SCAI: variants seen among roughly 807,000 people sequenced by gnomAD.
SCAI encodes protein SCAI.
A neutral mutation model predicts 92.2 loss-of-function variants in SCAI; 24 were observed. The observed-to-expected ratio is 0.26, with a 90% CI of 0.19 to 0.37. The LOEUF is 0.37. SCAI is among the 10% of genes least tolerant of loss of function. SCAI has a pLI of 1.00. For synonymous variants in SCAI, 261 were observed against 258.6 expected, an observed-to-expected ratio of 1.01 and a Z score of -0.09; for missense variants, 450 against 736.2, an observed-to-expected ratio of 0.61 and a Z score of 4.50.
At chr9:124,954,038 A>C (rs1047887490) in intron 17 of SCAI, among the ~76,000 whole-genome samples, 1 of 152,154 alleles carries the variant, frequency 6.6e-6, no homozygotes, top group Non-Finnish European at 1.5e-5. Context: ...TTGTAGAGAC[A>C]GGGTCTTGCC....
At chr9:125,042,648 C>CGTGTGTGTGT (rs1192238749) in intron 3 of SCAI, among the ~76,000 whole-genome samples, 123 of 121,090 alleles carry the variant, frequency 1.0e-3, no homozygotes, top group Non-Finnish European at 1.8e-3. Context: ...CACACACACA[C>CGTGTGTGTGT]ACACACACAC....
rs985231118 is a variant in SCAI, at chr9:124,974,031, G to T, written c.1399+2083C>A. 4 of 239,604 alleles carry T rather than the reference G, an allele frequency of 1.7e-5. No homozygotes were observed. In the Admixed American group the frequency reaches 2.2e-4, roughly 13 times the overall value. The allele number at this position is 239,604 out of a possible 1,614,324, so 14.8% of individuals were successfully genotyped here. ...TTGTGCTGCTAGTCAGGAGTTCCTC[G>T]TCCATTTGCAGGCATCCTCTTGTGA... On this transcript the variant is annotated intron_variant, in intron 15 of 17. Coordinates refer to ENST00000336505, the MANE Select transcript of SCAI (RefSeq NM_001144877.3).
chr9:125,126,654 G>A (rs1369823903), intron 2 of SCAI, among the ~76,000 whole-genome samples: 2 of 152,062 alleles, frequency 1.3e-5, no homozygotes, highest in East Asian at 1.9e-4. Flanking sequence ...AATCTGGGAA[G>A]AGACATCTCA....
At chr9:124,987,497 G>C (rs1832020467) in intron 14 of SCAI, among the ~76,000 whole-genome samples, 1 of 152,054 alleles carries the variant, frequency 6.6e-6, no homozygotes, top group African/African-American at 2.4e-5. Context: ...ATGAGGCTCA[G>C]ACAAGCCTGA....
At chr9:125,111,292 T>C (rs1834924312) in intron 2 of SCAI, among the ~76,000 whole-genome samples, 1 of 152,088 alleles carries the variant, frequency 6.6e-6, no homozygotes, top group South Asian at 2.1e-4. Flanking sequence ...TCTCAATAGA[T>C]ACAGAAAAAG....
At chr9:124,959,523 C>CATATATATACACACACATAT (rs1554774583) in intron 17 of SCAI, among the ~76,000 whole-genome samples, 18 of 144,940 alleles carry the variant, frequency 1.2e-4, no homozygotes, top group African/African-American at 4.5e-4. Context: ...TATATACACA[C>CATATATATACACACACATAT]ATATATATAC....
chr9:125,143,457 G>T lies in SCAI; in HGVS notation c.-20C>A, dbSNP rs1448797536. 3.9e-5 allele frequency: 52 copies of T among 1,345,074 alleles called. 1 individual carries two copies. The highest frequency in any genetic ancestry group is 5.0e-5 in the Non-Finnish European group (52 of 1,047,102). The allele number at this position is 1,345,074 out of a possible 1,614,324, so 83.3% of individuals were successfully genotyped here. On this transcript the variant is annotated 5_prime_UTR_variant, in exon 1 of 18. Coordinates refer to ENST00000336505, the MANE Select transcript of SCAI (RefSeq NM_001144877.3). ...GACCATCCGGCTCCTGCTCCGCCGC[G>T]GGAGCTGCTCCGGCGGCCGCAGGGC...
intron 17 of SCAI, among the ~76,000 whole-genome samples, chr9:124,957,228 A>C (rs2131573873): frequency 6.6e-6 from 1 of 152,138 alleles, no homozygotes; most frequent in Middle Eastern, 3.4e-3. Flanking sequence ...CCTGGGATCA[A>C]GTGATCTGCC....
intron 14 of SCAI, among the ~76,000 whole-genome samples, chr9:124,987,845 C>T (rs1026651037): frequency 1.3e-5 from 2 of 152,030 alleles, no homozygotes; most frequent in African/African-American, 4.8e-5. Context: ...CACCTGTAGT[C>T]CCAGCTACTT....
At chr9:125,097,032 T>C (rs1588217326) in intron 2 of SCAI, among the ~76,000 whole-genome samples, 2 of 152,296 alleles carry the variant, frequency 1.3e-5, no homozygotes, top group African/African-American at 2.4e-5. Flanking sequence ...AGGAAACTTC[T>C]TTGATTCACT....
chr9:125,012,556 TTAG>T (rs1832661268), intron 9 of SCAI, among the ~76,000 whole-genome samples: 1 of 152,086 alleles, frequency 6.6e-6, no homozygotes, highest in Non-Finnish European at 1.5e-5. Context: ...ACAAAGAGAC[TTAG>T]ACTCCCACAC....
intron 14 of SCAI, among the ~76,000 whole-genome samples, chr9:124,981,395 G>A (rs570512435): frequency 6.6e-6 from 1 of 152,298 alleles, no homozygotes; most frequent in East Asian, 1.9e-4. Context: ...TTTGGGGAAT[G>A]TTATGAATTT....
At chr9:125,081,008 C>A (rs1834203296) in intron 2 of SCAI, among the ~76,000 whole-genome samples, 1 of 152,356 alleles carries the variant, frequency 6.6e-6, no homozygotes. Flanking sequence ...CTGCTGCCAT[C>A]CATGTAAGAT....
intron 2 of SCAI, among the ~76,000 whole-genome samples, chr9:125,097,390 G>T (rs1337979425): frequency 6.6e-6 from 1 of 152,040 alleles, no homozygotes; most frequent in African/African-American, 2.4e-5. Context: ...CCAAGATCAT[G>T]CCACTTCACT....
At chr9:124,999,258 G>A (rs914488857) in intron 13 of SCAI, among the ~76,000 whole-genome samples, 1 of 151,830 alleles carries the variant, frequency 6.6e-6, no homozygotes, top group Non-Finnish European at 1.5e-5. Context: ...ATGGTGGCTG[G>A]TGCCTGTAAT....
At chr9:125,089,947 C>T (rs1791330210) in intron 2 of SCAI, among the ~76,000 whole-genome samples, 1 of 152,024 alleles carries the variant, frequency 6.6e-6, no homozygotes, top group African/African-American at 2.4e-5. Flanking sequence ...TAAATGACTA[C>T]AATAAGGAAC....
chr9:125,016,612 T>C lies in SCAI; in HGVS notation c.861+2187A>G, dbSNP rs12003086. Among the ~76,000 whole-genome samples, 1,483 of 152,156 alleles carry C rather than the reference T, an allele frequency of 9.7e-3. 18 individuals carry two copies. Among genetic ancestry groups the C allele is most frequent in the African/African-American group, 0.034 (1,413 of 41,516 alleles). The stretch of plus-strand genomic sequence containing the variant: ...AGACAAACAGACCAAAGGAACAGAA[T>C]GAGACTCAAATATATTTGAACATCA... On this transcript the variant is annotated intron_variant, in intron 9 of 17. Transcript: ENST00000336505.
intron 3 of SCAI, among the ~76,000 whole-genome samples, chr9:125,045,180 A>T (rs184964261): frequency 6.6e-6 from 1 of 152,260 alleles, no homozygotes; most frequent in African/African-American, 2.4e-5. Flanking sequence ...TGGAAAAATA[A>T]CACCCTAAGG....
At chr9:125,108,687 T>C (rs1834867274) in intron 2 of SCAI, among the ~76,000 whole-genome samples, 1 of 146,440 alleles carries the variant, frequency 6.8e-6, no homozygotes, top group Non-Finnish European at 1.5e-5. Context: ...AGCCGCCCCG[T>C]CAGAGAAGTG....
Sources: gnomAD v4.1 joint callset for allele counts (sites outside exome capture counted in the v4.1 genomes callset) on GRCh38, gnomAD v4.1.1 for gene constraint, MANE v1.5 for transcripts, NCBI Gene and HGNC (gene_info 2026-07-23, HGNC 2026-07-21) for gene names.